Variants in FAM184B observed in about 807,000 individuals in gnomAD.
The protein encoded by FAM184B is family with sequence similarity 184 member B, also known as protein FAM184B.
FAM184B carries 111 observed loss-of-function variants against 135.9 expected under a neutral mutation model. The ratio of observed to expected loss-of-function variants is 0.82; its 90% CI spans 0.70 to 0.96. FAM184B has a LOEUF of 0.96. FAM184B is among the 40% of genes least tolerant of loss of function. FAM184B has a pLI of 0.00. For synonymous variants in FAM184B, 552 were observed against 524.8 expected (o/e 1.05, Z -0.71); for missense variants, 1,375 against 1,323.9 (o/e 1.04, Z -0.60).
chr4:17,713,943 C>T (rs1403776273), intron 1 of FAM184B, among the ~76,000 whole-genome samples: 3 of 152,152 alleles, frequency 2.0e-5, no homozygotes, highest in Non-Finnish European at 4.4e-5. Flanking sequence ...GAGGATTTGT[C>T]ACCAGTTACT....
intron 8 of FAM184B, among the ~76,000 whole-genome samples, chr4:17,663,151 G>T (rs1431695650): frequency 6.6e-6 from 1 of 152,134 alleles, no homozygotes; most frequent in Non-Finnish European, 1.5e-5. Flanking sequence ...TGCCCAAGCT[G>T]GTCTTGAACT....
intron 11 of FAM184B, among the ~76,000 whole-genome samples, chr4:17,651,333 C>T (rs28459785): frequency 0.52 from 79,206 of 151,524 alleles, 23,279 homozygotes; most frequent in East Asian, 0.88. Context: ...GTCAGGAGAT[C>T]GAGACCATCC....
At chr4:17,703,017 C>A (rs1168035256) in intron 5 of FAM184B, among the ~76,000 whole-genome samples, 2 of 152,228 alleles carry the variant, frequency 1.3e-5, no homozygotes, top group African/African-American at 4.8e-5. Flanking sequence ...GCAGCTCCAC[C>A]ACTTAGCTGT....
intron 1 of FAM184B, among the ~76,000 whole-genome samples, chr4:17,716,645 C>T (rs1355347501): frequency 1.3e-5 from 2 of 152,042 alleles, no homozygotes; most frequent in African/African-American, 4.8e-5. Context: ...TGTGCCCAGC[C>T]CTCTCCTAGT....
At chr4:17,771,859 G>A (rs1718826201) in intron 1 of FAM184B, among the ~76,000 whole-genome samples, 2 of 152,202 alleles carry the variant, frequency 1.3e-5, no homozygotes, top group African/African-American at 4.8e-5. Context: ...TCAGGCTTCA[G>A]ATATGCCCCG....
At chr4:17,723,016 A>G (rs953128183) in intron 1 of FAM184B, among the ~76,000 whole-genome samples, 2 of 152,204 alleles carry the variant, frequency 1.3e-5, no homozygotes, top group Non-Finnish European at 2.9e-5. Context: ...TCACCTCTTT[A>G]TATGCCAATT....
chr4:17,671,786 G>T (rs1716173427), intron 7 of FAM184B, among the ~76,000 whole-genome samples: 1 of 151,786 alleles, frequency 6.6e-6, no homozygotes, highest in African/African-American at 2.4e-5. Context: ...CAACAGAGAG[G>T]ATATATTTTT....
At chr4:17,705,931 G>A in intron 3 of FAM184B, 40 bp from the exon 4 acceptor site, 1 of 1,550,438 alleles carries the variant, frequency 6.4e-7, no homozygotes, top group Non-Finnish European at 8.7e-7. Flanking sequence ...AATGCTCTTG[G>A]CCATGGCCTC....
chr4:17,702,977 G>A (rs914263092), intron 5 of FAM184B, among the ~76,000 whole-genome samples: 6 of 152,210 alleles, frequency 3.9e-5, no homozygotes, highest in African/African-American at 1.4e-4. Context: ...GAAGCCACGG[G>A]CTCTGGAGTC....
intron 16 of FAM184B, 44 bp from the exon 17 acceptor site, chr4:17,633,932 AC>A: frequency 7.7e-7 from 1 of 1,302,998 alleles, no homozygotes; most frequent in Non-Finnish European, 9.9e-7. Context: ...AATGCAAAAA[AC>A]AAAATAAAGC....
chr4:17,769,585 C>T (rs1318801986), intron 1 of FAM184B, among the ~76,000 whole-genome samples: 6 of 152,124 alleles, frequency 3.9e-5, no homozygotes, highest in Admixed American at 6.6e-5. Flanking sequence ...TGGGTAAAGA[C>T]TACTTGTCAG....
At chr4:17,663,620 A>ACACAC (rs1715970083) in intron 8 of FAM184B, among the ~76,000 whole-genome samples, 1 of 30,560 alleles carries the variant, frequency 3.3e-5, no homozygotes, top group African/African-American at 4.5e-5. Flanking sequence ...TTCACAACAC[A>ACACAC]CACACACACA....
chr4:17,676,302 CA>C (rs770004028), intron 7 of FAM184B, among the ~76,000 whole-genome samples: 2 of 152,164 alleles, frequency 1.3e-5, no homozygotes, highest in African/African-American at 2.4e-5. Flanking sequence ...AACCAGAACA[CA>C]TACAACATTT....
At chr4:17,716,891 CA>C (rs1257414655) in intron 1 of FAM184B, among the ~76,000 whole-genome samples, 1 of 152,178 alleles carries the variant, frequency 6.6e-6, no homozygotes, top group Non-Finnish European at 1.5e-5. Context: ...TGGCTCACTG[CA>C]ACCTCTGCCT....
At chr4:17,719,378 G>A (rs1264330446) in intron 1 of FAM184B, among the ~76,000 whole-genome samples, 3 of 152,262 alleles carry the variant, frequency 2.0e-5, no homozygotes, top group Middle Eastern at 3.4e-3. Flanking sequence ...TACTCACAAC[G>A]ACAAATAATT....
At chr4:17,645,157 C>T (rs978590254) in intron 12 of FAM184B, among the ~76,000 whole-genome samples, 1 of 152,144 alleles carries the variant, frequency 6.6e-6, no homozygotes, top group Non-Finnish European at 1.5e-5. Context: ...CTATACTGCC[C>T]AAGGTAATTT....
intron 13 of FAM184B, among the ~76,000 whole-genome samples, chr4:17,640,018 C>CT (rs1715261466): frequency 6.6e-6 from 1 of 151,142 alleles, no homozygotes; most frequent in Admixed American, 6.6e-5. Flanking sequence ...TTAGTAAAGA[C>CT]GGGGGGTTTC....
chr4:17,722,389 G>T (rs1280443289), intron 1 of FAM184B, among the ~76,000 whole-genome samples: 2 of 152,166 alleles, frequency 1.3e-5, no homozygotes, highest in Admixed American at 6.5e-5. Context: ...AAGAAAACAG[G>T]CTCAAACAGG....
chr4:17,652,814 A>G lies in FAM184B; in HGVS notation c.2191+16T>C. ...CAGTTGGCCAGGCCCTCCTCAGTACACTATTGGGTGTATACCTAGCAGCAG... is the reference window on the plus strand; with the variant it reads ...CAGTTGGCCAGGCCCTCCTCAGTACGCTATTGGGTGTATACCTAGCAGCAG... On this transcript the variant is annotated intron_variant, in intron 11 of 17. Transcript: ENST00000265018. The G allele has an allele frequency of 1.3e-6, 2 of 1,545,458 alleles. No individual in the cohort carries two copies. Among genetic ancestry groups the G allele is most frequent in the Non-Finnish European group, 1.8e-6 (2 of 1,142,852 alleles).
Sources: allele counts gnomAD v4.1 joint callset (sites outside exome capture counted in the v4.1 genomes callset), GRCh38; gene constraint gnomAD v4.1.1; transcripts MANE v1.5; gene names NCBI Gene and HGNC (gene_info 2026-07-23, HGNC 2026-07-21).